The following CDKN2B-AS1 variants were observed in gnomAD, a reference collection of about 807,000 sequenced individuals.
CDKN2B-AS1 encodes the protein CDKN2B antisense RNA 1 (non-protein coding).
intron 4 of CDKN2B-AS1, among the ~76,000 whole-genome samples, chr9:22,072,891 A>G (rs1824352423): frequency 6.6e-6 from 1 of 152,174 alleles, no homozygotes; most frequent in Non-Finnish European, 1.5e-5. Context: ...TCATGTTTAA[A>G]TCGGGAATAA....
At chr9:22,018,137 A>C (rs1228040689) in intron 1 of CDKN2B-AS1, among the ~76,000 whole-genome samples, 2 of 151,300 alleles carry the variant, frequency 1.3e-5, no homozygotes, top group Non-Finnish European at 2.9e-5. Flanking sequence ...CAGCCTGACC[A>C]ACATGGTGAA....
chr9:22,058,675 A>T (rs1334673724), intron 4 of CDKN2B-AS1: 1 of 152,504 alleles, frequency 6.6e-6, no homozygotes, highest in African/African-American at 2.4e-5. Flanking sequence ...TATCATCTGC[A>T]GGGGATCTGC....
chr9:22,092,674 C>G (rs1316398063), intron 4 of CDKN2B-AS1, among the ~76,000 whole-genome samples: 2 of 152,134 alleles, frequency 1.3e-5, no homozygotes, highest in Admixed American at 6.5e-5. Flanking sequence ...GTGATATCCC[C>G]TTTTAATTTT....
chr9:22,100,713 G>A (rs550942631), intron 4 of CDKN2B-AS1, among the ~76,000 whole-genome samples: 1 of 152,116 alleles, frequency 6.6e-6, no homozygotes, highest in South Asian at 2.1e-4. Flanking sequence ...ATTAATGTTT[G>A]ACTTTTTAAG....
At chr9:22,038,500 T>C (rs1822777136) in intron 1 of CDKN2B-AS1, among the ~76,000 whole-genome samples, 1 of 151,924 alleles carries the variant, frequency 6.6e-6, no homozygotes, top group Non-Finnish European at 1.5e-5. Context: ...AAAAATCTTT[T>C]ACTTTTAAGA....
At chr9:22,068,449 T>A (rs980260031) in intron 4 of CDKN2B-AS1, among the ~76,000 whole-genome samples, 1 of 152,066 alleles carries the variant, frequency 6.6e-6, no homozygotes, top group African/African-American at 2.4e-5. Context: ...AATTGAAGGA[T>A]CAGGGAGTCA....
At position 22,039,892 on chromosome 9, in the gene CDKN2B-AS1, G is replaced by A. The variant is rs917013149; in HGVS notation, n.30-6859G>A. Among the ~76,000 whole-genome samples the A allele has an allele frequency of 1.3e-5, 2 of 151,966 alleles. No homozygotes were observed. The highest frequency in any genetic ancestry group is 2.1e-4 in the South Asian group (1 of 4,826). ...TTGCAAATATAATTAGTTAAGATGC[G>A]ATCTTACTGACATAGGAGAAGCTCC... On this transcript the variant is annotated intron_variant and non_coding_transcript_variant, in intron 1 of 4. Coordinates refer to ENST00000650946, the Ensembl canonical transcript of CDKN2B-AS1. The surrounding 1 kb of genome is among the most constrained non-coding windows in gnomAD (Gnocchi z 4.4).
At chr9:22,090,829 A>T (rs1825055376) in intron 4 of CDKN2B-AS1, among the ~76,000 whole-genome samples, 1 of 152,168 alleles carries the variant, frequency 6.6e-6, no homozygotes, top group East Asian at 1.9e-4. Flanking sequence ...TCTTTAGTTT[A>T]ATTAGATCCC....
intron 1 of CDKN2B-AS1, among the ~76,000 whole-genome samples, chr9:22,014,203 C>T (rs1821639014): frequency 6.6e-6 from 1 of 151,954 alleles, no homozygotes. Flanking sequence ...TGCACTGTCA[C>T]CCAGGCTGGA....
chr9:22,093,670 G>T (rs910106772), intron 4 of CDKN2B-AS1, among the ~76,000 whole-genome samples: 1 of 141,476 alleles, frequency 7.1e-6, no homozygotes, highest in African/African-American at 3.0e-5. Context: ...CCATTTGCTT[G>T]GTAGATCTTC....
At chr9:22,113,935 C>T (rs973257101) in intron 4 of CDKN2B-AS1, 2 of 152,186 alleles carry the variant, frequency 1.3e-5, no homozygotes, top group Non-Finnish European at 2.9e-5. Context: ...TTGCAAGCCA[C>T]ATGCCCCTAA....
intron 3 of CDKN2B-AS1, among the ~76,000 whole-genome samples, chr9:22,053,054 A>G (rs1823421976): frequency 6.6e-6 from 1 of 152,220 alleles, no homozygotes; most frequent in African/African-American, 2.4e-5. Context: ...ATTTATACTT[A>G]TGTAATCTTC....
At chr9:22,018,853 A>G (rs1025058181) in intron 1 of CDKN2B-AS1, among the ~76,000 whole-genome samples, 9 of 152,176 alleles carry the variant, frequency 5.9e-5, no homozygotes, top group African/African-American at 1.9e-4. Flanking sequence ...ATCATACACT[A>G]TATTCTAGGT....
chr9:22,092,664 G>A (rs1825133342), intron 4 of CDKN2B-AS1, among the ~76,000 whole-genome samples: 1 of 152,098 alleles, frequency 6.6e-6, no homozygotes, highest in Non-Finnish European at 1.5e-5. Context: ...GGGATTGGTG[G>A]TGATATCCCC....
At chr9:22,024,920 G>A (rs1822170219) in intron 1 of CDKN2B-AS1, among the ~76,000 whole-genome samples, 1 of 152,180 alleles carries the variant, frequency 6.6e-6, no homozygotes, top group Admixed American at 6.5e-5. Flanking sequence ...CCTAGAAGAG[G>A]CCAGCAGACC....
chr9:22,065,309 G>T (rs1287813427), intron 4 of CDKN2B-AS1, among the ~76,000 whole-genome samples: 3 of 152,192 alleles, frequency 2.0e-5, no homozygotes, highest in Non-Finnish European at 4.4e-5. Flanking sequence ...TTTGTGAGAT[G>T]GAGTGGACTG....
intron 3 of CDKN2B-AS1, among the ~76,000 whole-genome samples, chr9:22,052,157 A>C (rs1025153317): frequency 6.6e-6 from 1 of 152,166 alleles, no homozygotes; most frequent in South Asian, 2.1e-4. Flanking sequence ...TCAAATTTTA[A>C]TAGTTTCCCC....
chr9:22,076,785 C>T (rs1173136651), intron 4 of CDKN2B-AS1, among the ~76,000 whole-genome samples: 1 of 152,200 alleles, frequency 6.6e-6, no homozygotes, highest in African/African-American at 2.4e-5. Context: ...CTCCACCTCC[C>T]AGGCTCAAGC....
intron 4 of CDKN2B-AS1, among the ~76,000 whole-genome samples, chr9:22,070,000 A>G (rs1290408316): frequency 6.6e-6 from 1 of 152,086 alleles, no homozygotes; most frequent in African/African-American, 2.4e-5. Context: ...TGCGTTATCT[A>G]ATACTTAGGT....
Sources: allele counts gnomAD v4.1 joint callset (sites outside exome capture counted in the v4.1 genomes callset), GRCh38; gene constraint gnomAD v4.1.1; non-coding constraint Gnocchi (gnomAD v3.1); transcripts MANE v1.5; gene names NCBI Gene and HGNC (gene_info 2026-07-23, HGNC 2026-07-21).